The following TENM3 variants were observed in gnomAD, a reference collection of about 807,000 sequenced individuals.
The protein encoded by TENM3 is teneurin-3.
In TENM3, 63 loss-of-function variants were observed where a neutral mutation model predicts 255.1. That is an observed-to-expected ratio of 0.25 (90% CI 0.20 to 0.30). TENM3 has a LOEUF of 0.30. TENM3 is among the 10% of genes least tolerant of loss of function. The pLI, the probability that TENM3 is intolerant of heterozygous loss-of-function variation, is 1.00. For synonymous variants in TENM3, 1,306 were observed against 1,322.3 expected, an observed-to-expected ratio of 0.99 and a Z score of 0.27; for missense variants, 2,929 against 3,461.1, an observed-to-expected ratio of 0.85 and a Z score of 3.86.
the TENM3 span, chr4:181,522,987 A>G: frequency 1.5e-6 from 1 of 657,854 alleles, no homozygotes. Context: ...TAGGATGCAT[A>G]GGGAACTCAA....
the TENM3 span, among the ~76,000 whole-genome samples, chr4:181,890,220 C>T: frequency 6.6e-6 from 1 of 152,124 alleles, no homozygotes; most frequent in Admixed American, 6.6e-5. Context: ...AAGACATCAG[C>T]CACCAGCTTT....
At chr4:181,856,223 T>C in the TENM3 span, among the ~76,000 whole-genome samples, 1 of 151,276 alleles carries the variant, frequency 6.6e-6, no homozygotes, top group Admixed American at 6.6e-5. Context: ...TTGAGGAATT[T>C]ACAGTTACCC....
At chr4:181,691,289 AGT>A in the TENM3 span, among the ~76,000 whole-genome samples, 3 of 152,056 alleles carry the variant, frequency 2.0e-5, no homozygotes, top group African/African-American at 7.2e-5. Context: ...GTGCATAATA[AGT>A]GTGTGTATAA....
At chr4:182,369,445 G>A (rs991189635) in intron 3 of TENM3, among the ~76,000 whole-genome samples, 1 of 152,204 alleles carries the variant, frequency 6.6e-6, no homozygotes, top group Non-Finnish European at 1.5e-5. Context: ...CCAGACAGTA[G>A]TAGACTGTAG....
chr4:182,640,227 A>G (rs1752183972), intron 5 of TENM3, among the ~76,000 whole-genome samples: 1 of 152,266 alleles, frequency 6.6e-6, no homozygotes, highest in Admixed American at 6.5e-5. Context: ...AAAGAAGTAT[A>G]TAAATGTAAA....
At chr4:181,528,253 T>A in the TENM3 span, among the ~76,000 whole-genome samples, 1 of 152,212 alleles carries the variant, frequency 6.6e-6, no homozygotes, top group East Asian at 1.9e-4. Context: ...CTATCTAGTT[T>A]CTACACAGGA....
chr4:182,025,534 C>T, the TENM3 span, among the ~76,000 whole-genome samples: 15 of 151,978 alleles, frequency 9.9e-5, no homozygotes, highest in Admixed American at 3.9e-4. Flanking sequence ...GGGTATACAC[C>T]CAGCAGTGGA....
chr4:182,381,966 G>A (rs554433110), intron 3 of TENM3, among the ~76,000 whole-genome samples: 1 of 152,338 alleles, frequency 6.6e-6, no homozygotes, highest in Admixed American at 6.5e-5. Flanking sequence ...GAGGTCTTGA[G>A]TGAGTATTGC....
At chr4:182,441,898 C>A (rs779587500) in intron 3 of TENM3, among the ~76,000 whole-genome samples, 1 of 152,158 alleles carries the variant, frequency 6.6e-6, no homozygotes, top group African/African-American at 2.4e-5. Context: ...GCAAAGAAAT[C>A]GTCCCTATGC....
chr4:181,920,148 G>A, the TENM3 span, among the ~76,000 whole-genome samples: 4 of 151,926 alleles, frequency 2.6e-5, no homozygotes, highest in Non-Finnish European at 5.9e-5. Flanking sequence ...GGACATTTGG[G>A]TTTGTTCCAA....
chr4:182,100,411 C>A, the TENM3 span, among the ~76,000 whole-genome samples: 1 of 137,274 alleles, frequency 7.3e-6, no homozygotes, highest in Non-Finnish European at 1.5e-5. Flanking sequence ...CGACCAGCCT[C>A]GGTAACATGG....
chr4:182,615,069 A>ATTT (rs35326593), intron 4 of TENM3, among the ~76,000 whole-genome samples: 5,984 of 130,262 alleles, frequency 0.046, 157 homozygotes, highest in Non-Finnish European at 0.063. Context: ...ATATATATGT[A>ATTT]TTTTTTTTTT....
intron 11 of TENM3, among the ~76,000 whole-genome samples, chr4:182,684,430 G>T (rs969284109): frequency 3.6e-3 from 2 of 554 alleles, no homozygotes; most frequent in African/African-American, 0.013. Context: ...TTTTGGACTG[G>T]CCCCATCACA....
chr4:182,467,265 T>C (rs1395833241), intron 3 of TENM3, among the ~76,000 whole-genome samples: 1 of 150,992 alleles, frequency 6.6e-6, no homozygotes, highest in African/African-American at 2.4e-5. Flanking sequence ...CTCTTTAAGG[T>C]TTAAACTTAC....
the TENM3 span, among the ~76,000 whole-genome samples, chr4:182,109,362 A>G: frequency 6.6e-6 from 1 of 150,762 alleles, no homozygotes; most frequent in Non-Finnish European, 1.5e-5. Context: ...ACATATAGTG[A>G]TTATATTATA....
At chr4:182,587,533 C>T (rs13142981) in intron 3 of TENM3, among the ~76,000 whole-genome samples, 17,886 of 152,126 alleles carry the variant, frequency 0.12, 1,318 homozygotes, top group East Asian at 0.19. Context: ...GAGCCAAGAT[C>T]GCACCACTGC....
intron 3 of TENM3, among the ~76,000 whole-genome samples, chr4:182,488,512 G>A (rs915418940): frequency 4.6e-5 from 7 of 152,094 alleles, no homozygotes; most frequent in Non-Finnish European, 1.0e-4. Context: ...TGGAGAGCAT[G>A]GCCAAACCTG....
At chr4:181,683,491 T>C in the TENM3 span, among the ~76,000 whole-genome samples, 2 of 152,218 alleles carry the variant, frequency 1.3e-5, no homozygotes, top group Admixed American at 1.3e-4. Flanking sequence ...CCAGATTTTC[T>C]TATTCTTCAG....
chr4:181,935,330 T>C, the TENM3 span, among the ~76,000 whole-genome samples: 1 of 152,242 alleles, frequency 6.6e-6, no homozygotes, highest in Admixed American at 6.5e-5. Flanking sequence ...GTGAAGAACG[T>C]AATCGTTTCA....
Sources: gnomAD v4.1 joint callset for allele counts (sites outside exome capture counted in the v4.1 genomes callset) on GRCh38, gnomAD v4.1.1 for gene constraint, MANE v1.5 for transcripts, NCBI Gene and HGNC (gene_info 2026-07-23, HGNC 2026-07-21) for gene names.